Variants in DENND2B observed in about 807,000 individuals in gnomAD.
DENND2B encodes the protein DENN domain containing 2B, also known as DENN domain-containing protein 2B.
DENND2B carries 32 observed loss-of-function variants against 116.0 expected under a neutral mutation model. The ratio of observed to expected loss-of-function variants is 0.28; its 90% confidence interval spans 0.21 to 0.37. DENND2B has a LOEUF of 0.37. Ranked by LOEUF, DENND2B falls within the 10% of genes least tolerant of loss-of-function variation. The probability of loss-of-function intolerance (pLI) is 1.00; values close to 1 mark genes in which losing one functional copy is unlikely to be tolerated. For missense variants in DENND2B, 1,276 were observed against 1,477.7 expected (o/e 0.86, Z 2.24); for synonymous variants, 588 against 583.9 (o/e 1.01, Z -0.10).
chr11:8,733,528 G>A (rs1021844141), intron 2 of DENND2B, among the ~76,000 whole-genome samples: 1 of 152,208 alleles, frequency 6.6e-6, no homozygotes, highest in Non-Finnish European at 1.5e-5. Flanking sequence ...TCTACTGGGA[G>A]ATGGCAGGCA....
intron 2 of DENND2B, among the ~76,000 whole-genome samples, chr11:8,739,549 C>T (rs1298695641): frequency 6.6e-6 from 1 of 152,260 alleles, no homozygotes; most frequent in African/African-American, 2.4e-5. Context: ...ACACCCAAGA[C>T]TGCTCTTATC....
intron 3 of DENND2B, among the ~76,000 whole-genome samples, chr11:8,726,491 A>G (rs936273019): frequency 1.3e-5 from 2 of 152,100 alleles, no homozygotes; most frequent in Admixed American, 6.5e-5. Flanking sequence ...CGTCAAATCC[A>G]CCTTTACATG....
chr11:8,864,576 T>C (rs2063515178), intron 2 of DENND2B, among the ~76,000 whole-genome samples: 1 of 152,222 alleles, frequency 6.6e-6, no homozygotes, highest in Non-Finnish European at 1.5e-5. Context: ...GGCCTCCATC[T>C]AATTTCTTAA....
At chr11:8,887,360 A>C (rs976444773) in intron 1 of DENND2B, among the ~76,000 whole-genome samples, 3 of 152,222 alleles carry the variant, frequency 2.0e-5, no homozygotes, top group Non-Finnish European at 4.4e-5. Context: ...AACCAGGTTT[A>C]GAATCAATTT....
intron 11 of DENND2B, among the ~76,000 whole-genome samples, chr11:8,709,921 T>A (rs1288349236): frequency 2.0e-5 from 3 of 152,150 alleles, no homozygotes; most frequent in Admixed American, 6.5e-5. Context: ...CTAAAGTTCC[T>A]CGAGAGGGAG....
intron 1 of DENND2B, among the ~76,000 whole-genome samples, chr11:8,755,208 G>C (rs1248433395): frequency 6.6e-6 from 1 of 152,190 alleles, no homozygotes; most frequent in Non-Finnish European, 1.5e-5. Context: ...CTCTCCCTCT[G>C]ATTGGTATCC....
chr11:8,883,921 G>T (rs893789112), intron 1 of DENND2B, among the ~76,000 whole-genome samples: 1 of 152,206 alleles, frequency 6.6e-6, no homozygotes, highest in Non-Finnish European at 1.5e-5. Flanking sequence ...CAAACCATTT[G>T]TTTAGTGTGC....
chr11:8,711,564 TA>T (rs576538527), intron 9 of DENND2B, among the ~76,000 whole-genome samples: 11 of 149,108 alleles, frequency 7.4e-5, no homozygotes, highest in South Asian at 2.1e-4. Flanking sequence ...GAGCGGGGCT[TA>T]AAAAAAAAAT....
At chr11:8,792,252 TA>T (rs2059447715) in intron 1 of DENND2B, among the ~76,000 whole-genome samples, 1 of 152,128 alleles carries the variant, frequency 6.6e-6, no homozygotes, top group Non-Finnish European at 1.5e-5. Flanking sequence ...CTTCTCTCCT[TA>T]CAGCAAAATT....
intron 3 of DENND2B, 96 bp downstream of exon 3, chr11:8,729,854 A>G (rs2047792650): frequency 2.0e-6 from 3 of 1,491,084 alleles, no homozygotes; most frequent in Non-Finnish European, 1.8e-6. Flanking sequence ...ACGAAGCACT[A>G]ATGACTGCGA....
chr11:8,714,636 G>A lies in DENND2B; in HGVS notation c.1916C>T (p.Ser639Phe), dbSNP rs2044380884. The change falls in exon 7 of 20, where the codon TCC becomes TTC. Residue 639 changes from serine (S) to phenylalanine (F), a missense_variant. By Grantham distance (155) the Ser-to-Phe change is radical. Coordinates refer to ENST00000313726, the MANE Select transcript of DENND2B (RefSeq NM_213618.2). ...TCTCAGTGATGCTGTTTCAATGCTG[G>A]ACATAGACAACTTTTTTAATCTCTT... is the stretch of plus-strand genomic sequence containing the variant. Reference protein sequence around the residue: ...GKKRLKKLSMSSIETASLRDE... With the variant: ...GKKRLKKLSMFSIETASLRDE... 3.1e-6 allele frequency: 5 copies of A among 1,614,048 alleles called. No individual in the cohort carries two copies. Among genetic ancestry groups the A allele is most frequent in the Non-Finnish European group, 4.2e-6 (5 of 1,180,034 alleles).
intron 1 of DENND2B, among the ~76,000 whole-genome samples, chr11:8,891,052 A>G (rs1239621024): frequency 2.0e-5 from 3 of 152,368 alleles, no homozygotes; most frequent in African/African-American, 7.2e-5. Context: ...CTTGGTAGAA[A>G]CTATACAAGC....
At chr11:8,907,969 T>C (rs1272070141) in intron 1 of DENND2B, among the ~76,000 whole-genome samples, 1 of 152,212 alleles carries the variant, frequency 6.6e-6, no homozygotes, top group South Asian at 2.1e-4. Flanking sequence ...CCTGAACTTC[T>C]GGGATTACAG....
Position 8,764,616 on chromosome 11 carries a change from G to A in DENND2B, c.-25-13891C>T, listed in dbSNP as rs535970786. 3.9e-5 allele frequency among the ~76,000 whole-genome samples: 6 copies of A among 152,260 alleles called. No homozygotes were observed. The South Asian group carries it at 1.2e-3, about 32-fold the overall frequency. ...CCTTTGGTCTCTGTCATATCTTGTGGCAGGAAGCCACCCTCCATCCCAAGT... is the reference window on the plus strand; with the variant it reads ...CCTTTGGTCTCTGTCATATCTTGTGACAGGAAGCCACCCTCCATCCCAAGT... On this transcript the variant is annotated intron_variant, in intron 1 of 19. Transcript: ENST00000313726.
At chr11:8,771,158 AAGG>A (rs1409108291) in intron 1 of DENND2B, among the ~76,000 whole-genome samples, 1 of 152,226 alleles carries the variant, frequency 6.6e-6, no homozygotes, top group African/African-American at 2.4e-5. Context: ...CGGGATGCAC[AAGG>A]AGCTGTGGCA....
At chr11:8,768,419 T>C (rs1260405926) in intron 1 of DENND2B, among the ~76,000 whole-genome samples, 1 of 152,086 alleles carries the variant, frequency 6.6e-6, no homozygotes, top group African/African-American at 2.4e-5. Flanking sequence ...GCTAAGTTTT[T>C]AAATTTTTTG....
At chr11:8,765,060 G>C (rs574813113) in intron 1 of DENND2B, among the ~76,000 whole-genome samples, 1 of 151,894 alleles carries the variant, frequency 6.6e-6, no homozygotes, top group Non-Finnish European at 1.5e-5. Flanking sequence ...TAGTTCAGAA[G>C]GCTCTGAGTC....
chr11:8,717,798 G>A lies in DENND2B; in HGVS notation c.1572C>T (p.Asp524=), dbSNP rs1431348933. 2.5e-6 allele frequency: 4 copies of A among 1,612,504 alleles called. No homozygotes were observed. The highest frequency in any genetic ancestry group is 3.4e-6 in the Non-Finnish European group (4 of 1,179,026). Residue 524 remains aspartate, a synonymous_variant, in exon 5 of 20, where the codon GAC becomes GAT. Transcript: ENST00000313726. The stretch of plus-strand genomic sequence containing the variant: ...GAGGACTCCACATCCTGTGCAAAGA[G>A]TCCAAGGAGTTCTCAGACAGTTGCT... ...KSQQLSENSL[D]SLHRMWSPQD...
chr11:8,894,087 A>G (rs1369596751), intron 1 of DENND2B, among the ~76,000 whole-genome samples: 1 of 152,160 alleles, frequency 6.6e-6, no homozygotes, highest in Non-Finnish European at 1.5e-5. Flanking sequence ...CCTCAGAAAT[A>G]ATACCAGACA....
Sources: gnomAD v4.1 joint callset for allele counts (sites outside exome capture counted in the v4.1 genomes callset) on GRCh38, gnomAD v4.1.1 for gene constraint, MANE v1.5 for transcripts, NCBI Gene and HGNC (gene_info 2026-07-23, HGNC 2026-07-21) for gene names.